Variants in LYZL1 observed in about 807,000 individuals in gnomAD.
LYZL1 encodes the protein lysozyme like 1.
A neutral mutation model predicts 17.9 loss-of-function variants in LYZL1; 16 were observed. The observed-to-expected ratio is 0.90, with a 90% confidence interval of 0.61 to 1.36. The LOEUF is 1.36. Ranked by LOEUF, LYZL1 falls within the 40% of genes most tolerant of loss-of-function variation. The probability of loss-of-function intolerance (pLI) is 0.00; values close to 1 mark genes in which losing one functional copy is unlikely to be tolerated. For missense variants in LYZL1, 149 were observed against 188.4 expected, an observed-to-expected ratio of 0.79 and a Z score of 1.22; for synonymous variants, 58 against 71.8, an observed-to-expected ratio of 0.81 and a Z score of 0.97.
chr10:29,289,855 A>G (rs1835337564), intron 1 of LYZL1, among the ~76,000 whole-genome samples: 1 of 152,210 alleles, frequency 6.6e-6, no homozygotes, highest in Non-Finnish European at 1.5e-5. Flanking sequence ...GGCCTCAAAC[A>G]CAATTACTGA....
chr10:29,314,435 G>A (rs143626318), downstream of LYZL1, among the ~76,000 whole-genome samples: 10 of 152,308 alleles, frequency 6.6e-5, no homozygotes, highest in African/African-American at 2.4e-4. Context: ...GCAACACAGT[G>A]AGACCCCATG....
At chr10:29,290,190 G>T (rs2817819) in intron 1 of LYZL1, among the ~76,000 whole-genome samples, 173 of 152,230 alleles carry the variant, frequency 1.1e-3, no homozygotes, top group Non-Finnish European at 1.8e-3. Flanking sequence ...AAAATGACAC[G>T]GGATGAACAT....
rs182914649 is a variant in LYZL1 at position 29,299,235 on chromosome 10, C to T, written c.298+6558C>T. Among the ~76,000 whole-genome samples the T allele has an allele frequency of 4.8e-3, 730 of 152,218 alleles. 3 individuals are homozygous for T. The highest frequency in any genetic ancestry group is 0.019 in the South Asian group (93 of 4,818). On this transcript the variant is annotated intron_variant, in intron 3 of 4. Coordinates refer to ENST00000649382, the MANE Select transcript of LYZL1 (RefSeq NM_032517.6). ...GATGAAGCTTAGCTCACTTGCCTGC[C>T]GCTCACCTCCTGCTGTGTGACTTGG...
rs528822637 is a variant in LYZL1 at position 29,318,219 on chromosome 10, C to A, written c.*207C>A. 8 of 983,302 alleles carry A rather than the reference C, an allele frequency of 8.1e-6. No homozygotes were observed. In the South Asian group the frequency reaches 3.8e-4, roughly 46 times the overall value. 60.9% of individuals were successfully genotyped at this position (983,302 alleles called of 1,614,324 possible). On this transcript the variant is annotated 3_prime_UTR_variant and NMD_transcript_variant, in exon 5 of 5. Coordinates refer to the LYZL1 transcript ENST00000494304. ...ACTCAGCTAGATTTCCCTGCCTGCTCAAGACCACAACCCCAGTGGCAACAT... is the reference window on the plus strand; with the variant it reads ...ACTCAGCTAGATTTCCCTGCCTGCTAAAGACCACAACCCCAGTGGCAACAT...
chr10:29,304,570 T>C (rs1835566284), intron 3 of LYZL1, among the ~76,000 whole-genome samples: 1 of 152,234 alleles, frequency 6.6e-6, no homozygotes. Flanking sequence ...CTGTTGGATG[T>C]GGAAGAATAA....
At chr10:29,312,870 A>G (rs541424941), downstream of LYZL1, among the ~76,000 whole-genome samples, 19 of 152,296 alleles carry the variant, frequency 1.2e-4, no homozygotes, top group African/African-American at 4.6e-4. Context: ...GTTGAATGCA[A>G]TTTGACCTGG....
chr10:29,306,616 GATTA>G (rs1376210556), intron 3 of LYZL1, among the ~76,000 whole-genome samples: 26 of 147,156 alleles, frequency 1.8e-4, no homozygotes, highest in Non-Finnish European at 3.9e-4. Context: ...GTTTAATGTT[GATTA>G]ATTAAAATTC....
chr10:29,311,561 G>A (rs1442639263), downstream of LYZL1, among the ~76,000 whole-genome samples: 4 of 152,168 alleles, frequency 2.6e-5, no homozygotes, highest in South Asian at 2.1e-4. Context: ...CGCAAGAGAC[G>A]CAGAGAGATA....
At chr10:29,296,658 C>G (rs1445227789) in intron 3 of LYZL1, among the ~76,000 whole-genome samples, 1 of 152,144 alleles carries the variant, frequency 6.6e-6, no homozygotes, top group African/African-American at 2.4e-5. Flanking sequence ...TTCCAACCAC[C>G]ATCTCCACTC....
chr10:29,308,466 G>A (rs1451612414), intron 3 of LYZL1, among the ~76,000 whole-genome samples: 1 of 152,086 alleles, frequency 6.6e-6, no homozygotes, highest in Non-Finnish European at 1.5e-5. Context: ...GGAATATCTA[G>A]CACCTCAAAC....
intron 3 of LYZL1, among the ~76,000 whole-genome samples, chr10:29,293,127 C>CTTTTTTTTTTTTTTTTTT (rs778807136): frequency 5.8e-5 from 6 of 104,198 alleles, no homozygotes; most frequent in East Asian, 5.2e-4. Context: ...CTTTTCTTTT[C>CTTTTTTTTTTTTTTTTTT]TTTTTTCTTT....
intron 3 of LYZL1, among the ~76,000 whole-genome samples, chr10:29,308,588 A>G (rs778428400): frequency 3.9e-5 from 6 of 152,240 alleles, no homozygotes; most frequent in Non-Finnish European, 7.3e-5. Context: ...TTCTGAGGCT[A>G]CTTTTCAGGC....
downstream of LYZL1, among the ~76,000 whole-genome samples, chr10:29,315,098 A>G (rs1479678531): frequency 2.0e-5 from 3 of 152,288 alleles, no homozygotes; most frequent in Non-Finnish European, 4.4e-5. Flanking sequence ...CAAGAGACCC[A>G]GGAAGATTTC....
chr10:29,310,001 T>A lies in LYZL1; in HGVS notation c.299-109T>A, dbSNP rs1256953017. The stretch of plus-strand genomic sequence containing the variant: ...GCTTTGCAGGCAAAATCATAGTTCT[T>A]CCAACCCTCTTGATCCAAAAAGACT... On this transcript the variant is annotated intron_variant, in intron 3 of 4. Coordinates refer to ENST00000649382, the MANE Select transcript of LYZL1 (RefSeq NM_032517.6). The A allele has an allele frequency of 4.1e-6, 3 of 736,026 alleles. No individual in the cohort carries two copies. In the African/African-American group the frequency reaches 5.3e-5, roughly 13 times the overall value. The allele number at this position is 736,026 out of a possible 1,614,324, so 45.6% of individuals were successfully genotyped here. A position where few individuals can be genotyped will look rare whatever the true frequency, so the allele number is the denominator to read the frequency against.
chr10:29,318,312 C>A, exon 5 of LYZL1: 3 of 380,816 alleles, frequency 7.9e-6, no homozygotes, highest in Non-Finnish European at 1.1e-5. Flanking sequence ...CAAAATAAAG[C>A]CCAGATTCAT....
At chr10:29,291,170 T>C (rs543390341) in intron 1 of LYZL1, among the ~76,000 whole-genome samples, 6 of 152,210 alleles carry the variant, frequency 3.9e-5, no homozygotes, top group Admixed American at 6.5e-5. Flanking sequence ...GAAGCCTTAC[T>C]GATAACATAA....
chr10:29,318,008 A>G (rs1249381862), intron 4 of LYZL1: 1 of 219,226 alleles, frequency 4.6e-6, no homozygotes, highest in Non-Finnish European at 7.7e-6. Flanking sequence ...ATAATTTTGT[A>G]ATAGGTGATT....
At chr10:29,304,125 C>T (rs1835558176) in intron 3 of LYZL1, among the ~76,000 whole-genome samples, 2 of 152,164 alleles carry the variant, frequency 1.3e-5, no homozygotes, top group Admixed American at 6.5e-5. Flanking sequence ...CCTAAAATGC[C>T]TTCCTACTTT....
downstream of LYZL1, among the ~76,000 whole-genome samples, chr10:29,311,813 A>C (rs1299984849): frequency 5.9e-5 from 9 of 152,018 alleles, no homozygotes; most frequent in Non-Finnish European, 1.5e-5. Flanking sequence ...CCCCGTCTCT[A>C]CTAAAAATAC....
Sources: gnomAD v4.1 joint callset for allele counts (sites outside exome capture counted in the v4.1 genomes callset) on GRCh38, gnomAD v4.1.1 for gene constraint, MANE v1.5 for transcripts, NCBI Gene and HGNC (gene_info 2026-07-23, HGNC 2026-07-21) for gene names.